Variants in TBL1XR1 observed in about 807,000 individuals in gnomAD.
TBL1XR1 encodes the protein F-box-like/WD repeat-containing protein TBL1XR1.
A neutral mutation model predicts 66.9 loss-of-function variants in TBL1XR1; 5 were observed. The ratio of observed to expected loss-of-function variants is 0.07; its 90% CI spans 0.04 to 0.16. The LOEUF (loss-of-function observed/expected upper bound fraction) is 0.16. Ranked by LOEUF, TBL1XR1 falls within the 10% of genes least tolerant of loss-of-function variation. The pLI, the probability that TBL1XR1 is intolerant of heterozygous loss-of-function variation, is 1.00. For synonymous variants in TBL1XR1, 210 were observed against 206.0 expected (o/e 1.02, Z -0.17); for missense variants, 238 against 623.2 (o/e 0.38, Z 6.58).
intron 2 of TBL1XR1, among the ~76,000 whole-genome samples, chr3:177,092,867 G>A (rs962751719): frequency 3.3e-5 from 5 of 152,126 alleles, no homozygotes; most frequent in African/African-American, 1.2e-4. Flanking sequence ...TAACAGCCAA[G>A]AGGTGGAAGC....
chr3:177,164,831 A>AAT (rs1732636244), intron 1 of TBL1XR1, among the ~76,000 whole-genome samples: 1 of 152,222 alleles, frequency 6.6e-6, no homozygotes, highest in Admixed American at 6.5e-5. Flanking sequence ...AGCTGGGCTG[A>AAT]ATAGAGATTA....
chr3:177,047,460 A>C (rs953805926), intron 8 of TBL1XR1, 26 bp downstream of exon 8: 2 of 1,609,722 alleles, frequency 1.2e-6, no homozygotes, highest in Non-Finnish European at 1.7e-6. Flanking sequence ...TCAACAACAA[A>C]GTAAAAAGGA....
At chr3:177,111,938 A>C (rs938610879) in intron 1 of TBL1XR1, among the ~76,000 whole-genome samples, 2 of 151,298 alleles carry the variant, frequency 1.3e-5, no homozygotes, top group African/African-American at 4.9e-5. Context: ...CTCACCACCA[A>C]CAAGCAATGA....
At chr3:177,194,777 A>G (rs1208354154) in intron 1 of TBL1XR1, among the ~76,000 whole-genome samples, 1 of 152,216 alleles carries the variant, frequency 6.6e-6, no homozygotes, top group Non-Finnish European at 1.5e-5. Context: ...CATGGTAATC[A>G]TGCAAAACCT....
intron 1 of TBL1XR1, among the ~76,000 whole-genome samples, chr3:177,194,569 T>C (rs761275625): frequency 1.3e-5 from 2 of 152,212 alleles, no homozygotes; most frequent in African/African-American, 2.4e-5. Context: ...ACTAGGGAGA[T>C]TCCTTTGTCA....
chr3:177,196,211 TAAATA>T (rs1023981391), intron 1 of TBL1XR1: 5 of 152,084 alleles, frequency 3.3e-5, no homozygotes, highest in African/African-American at 9.7e-5. Flanking sequence ...ATATTCCACT[TAAATA>T]AAAGTCTGCT....
At chr3:177,086,922 A>G (rs1213871998) in intron 2 of TBL1XR1, 1 of 151,630 alleles carries the variant, frequency 6.6e-6, no homozygotes, top group East Asian at 1.9e-4. Flanking sequence ...AAAAGAAGCT[A>G]GAGAAAAGGT....
At chr3:177,087,470 C>T (rs1258213879) in intron 2 of TBL1XR1, among the ~76,000 whole-genome samples, 1 of 152,088 alleles carries the variant, frequency 6.6e-6, no homozygotes, top group Non-Finnish European at 1.5e-5. Context: ...TTTAAAAACT[C>T]TCCTTACAGG....
At chr3:177,118,087 C>G (rs1027455302) in intron 1 of TBL1XR1, among the ~76,000 whole-genome samples, 10 of 152,128 alleles carry the variant, frequency 6.6e-5, no homozygotes, top group African/African-American at 2.4e-4. Context: ...CCATTTTATC[C>G]ACTCTTCTCA....
chr3:177,098,051 T>C (rs1438250048), intron 2 of TBL1XR1, among the ~76,000 whole-genome samples: 1 of 151,862 alleles, frequency 6.6e-6, no homozygotes, highest in African/African-American at 2.4e-5. Context: ...TTACTAAAAA[T>C]ACAAAAAATT....
chr3:177,048,583 T>C (rs1291475867), intron 7 of TBL1XR1, among the ~76,000 whole-genome samples: 1 of 152,152 alleles, frequency 6.6e-6, no homozygotes, highest in Non-Finnish European at 1.5e-5. Flanking sequence ...AAGTCAACAG[T>C]AAAAGCTTAT....
intron 1 of TBL1XR1, among the ~76,000 whole-genome samples, chr3:177,149,453 T>C (rs1320295815): frequency 6.6e-6 from 1 of 152,218 alleles, no homozygotes; most frequent in African/African-American, 2.4e-5. Context: ...ATAATACTTA[T>C]TCTCATTTTA....
chr3:177,130,675 A>G (rs1223404142), intron 1 of TBL1XR1, among the ~76,000 whole-genome samples: 1 of 152,140 alleles, frequency 6.6e-6, no homozygotes, highest in East Asian at 1.9e-4. Context: ...AACCATATAA[A>G]ATGCTCAAGT....
intron 2 of TBL1XR1, among the ~76,000 whole-genome samples, chr3:177,074,329 T>C (rs1181392239): frequency 6.6e-6 from 1 of 152,206 alleles, no homozygotes; most frequent in Non-Finnish European, 1.5e-5. Flanking sequence ...TTGCTGTGGA[T>C]ATATTAGAAG....
intron 2 of TBL1XR1, among the ~76,000 whole-genome samples, chr3:177,084,087 CAAAAAAA>C (rs36022409): frequency 1.2e-4 from 9 of 74,072 alleles, no homozygotes; most frequent in Admixed American, 1.1e-3. Context: ...GACTCCGTCT[CAAAAAAA>C]AAAAAAAAGA....
intron 2 of TBL1XR1, among the ~76,000 whole-genome samples, chr3:177,096,348 A>ACACACACACACACACACT (rs1450426280): frequency 5.3e-5 from 8 of 151,952 alleles, no homozygotes; most frequent in African/African-American, 1.9e-4. Flanking sequence ...ACACACACAC[A>ACACACACACACACACACT]CACACTTAAA....
intron 2 of TBL1XR1, among the ~76,000 whole-genome samples, chr3:177,086,472 C>G (rs999305939): frequency 1.3e-5 from 2 of 151,944 alleles, no homozygotes; most frequent in Non-Finnish European, 2.9e-5. Flanking sequence ...TATGGGTAGT[C>G]TGTCTTACAT....
chr3:177,094,626 T>C (rs1723231926), intron 2 of TBL1XR1, among the ~76,000 whole-genome samples: 1 of 152,212 alleles, frequency 6.6e-6, no homozygotes, highest in Non-Finnish European at 1.5e-5. Context: ...CACCATGGAA[T>C]ACTATTCAGT....
intron 1 of TBL1XR1, among the ~76,000 whole-genome samples, chr3:177,155,508 C>CA (rs758803067): frequency 2.0e-5 from 3 of 151,950 alleles, no homozygotes; most frequent in Non-Finnish European, 4.4e-5. Flanking sequence ...ATTTGGGAAA[C>CA]AAAAGGTGTA....
Sources: gnomAD v4.1 joint callset for allele counts (sites outside exome capture counted in the v4.1 genomes callset) on GRCh38, gnomAD v4.1.1 for gene constraint, MANE v1.5 for transcripts, NCBI Gene and HGNC (gene_info 2026-07-23, HGNC 2026-07-21) for gene names.